CCDC144A: variants seen among roughly 807,000 people sequenced by gnomAD.
CCDC144A encodes coiled-coil domain-containing protein 144A.
A neutral mutation model predicts 143.8 loss-of-function variants in CCDC144A; 41 were observed. The observed-to-expected ratio is 0.29, with a 90% CI of 0.22 to 0.37. The LOEUF is 0.37. Ranked by LOEUF, CCDC144A falls within the 10% of genes least tolerant of loss-of-function variation. CCDC144A has a pLI of 1.00. For missense variants in CCDC144A, 637 were observed against 1,488.8 expected, an observed-to-expected ratio of 0.43 and a Z score of 9.41; for synonymous variants, 242 against 517.9, an observed-to-expected ratio of 0.47 and a Z score of 7.23.
At chr17:16,728,594 A>T (rs2649304) in intron 9 of CCDC144A, among the ~76,000 whole-genome samples, 1,768 of 152,278 alleles carry the variant, frequency 0.012, 29 homozygotes, top group African/African-American at 0.04. Flanking sequence ...AATTTTTTTT[A>T]AATTTCATAG....
chr17:16,724,509 CAAA>C lies in CCDC144A; in HGVS notation c.1892-2999_1892-2997del, dbSNP rs1194753881. On this transcript the variant is annotated intron_variant, in intron 8 of 16. Transcript: ENST00000399273. ...TGGGAGACAGAGCGAGACTCCGTCT[CAAA>C]AAAAAAAAAAAAAAAAAAGATTGAT... Among the ~76,000 whole-genome samples, 122 of 65,914 alleles carry C rather than the reference CAAA, an allele frequency of 1.9e-3. 1 individual carries two copies. The highest frequency in any genetic ancestry group is 0.013 in the Admixed American group (85 of 6,644). The allele number at this position is 65,914 out of a possible 152,430, so 43.2% of individuals were successfully genotyped here.
upstream of CCDC144A, among the ~76,000 whole-genome samples, chr17:16,686,091 G>GTTTTTTT (rs67135656): frequency 3.5e-5 from 4 of 114,708 alleles, no homozygotes; most frequent in Non-Finnish European, 7.3e-5. Flanking sequence ...TGTTTTTTTT[G>GTTTTTTT]TTTTTTTTTT....
chr17:16,697,370 C>T (rs1177026422), intron 2 of CCDC144A, among the ~76,000 whole-genome samples: 8 of 152,118 alleles, frequency 5.3e-5, no homozygotes, highest in Admixed American at 4.6e-4. Flanking sequence ...GACTGAGCTC[C>T]GGTAAAACTT....
chr17:16,721,910 T>G (rs541523373), intron 8 of CCDC144A, among the ~76,000 whole-genome samples: 1 of 152,328 alleles, frequency 6.6e-6, no homozygotes, highest in African/African-American at 2.4e-5. Flanking sequence ...CAGTTTTACT[T>G]CTTCTTTTCA....
intron 12 of CCDC144A, among the ~76,000 whole-genome samples, chr17:16,758,714 A>G (rs1241326310): frequency 6.6e-6 from 1 of 152,124 alleles, no homozygotes; most frequent in African/African-American, 2.4e-5. Context: ...GTTTTCAGCT[A>G]AGTAGTTTCT....
chr17:16,768,566 A>C (rs967829069), intron 15 of CCDC144A, among the ~76,000 whole-genome samples: 2 of 152,262 alleles, frequency 1.3e-5, no homozygotes, highest in African/African-American at 2.4e-5. Context: ...ATAGATTGCT[A>C]TGCCTGTGTT....
In CCDC144A at chr17:16,690,692, C is replaced by T. The variant is rs561026830; in HGVS notation, c.292C>T (p.His98Tyr). Residue 98 changes from histidine to tyrosine, a missense_variant, in exon 1 of 17, where the codon CAC becomes TAC. Coordinates refer to ENST00000399273, the MANE Select transcript of CCDC144A (RefSeq NM_001382000.1). ...ARSGDVPGVE[H>Y]ILAPGDTGVD... is the part of the protein sequence containing the mutation. ...GTCGGGCGACGTCCCTGGGGTGGAG[C>T]ACATCTTAGCTCCTGGAGACACTGG... is the stretch of plus-strand genomic sequence containing the variant. 6.2e-7 allele frequency: 1 copy of T among 1,613,734 alleles called. No homozygotes were observed. Among genetic ancestry groups the T allele is most frequent in the South Asian group, 1.1e-5 (1 of 91,044 alleles).
rs1915922007 is a variant in CCDC144A at position 16,774,018 on chromosome 17, AT to A, written c.*386del. On this transcript the variant is annotated 3_prime_UTR_variant, in exon 17 of 17. Transcript: ENST00000399273. ...TATACTGGTACTGTGGTCATTGTCA[AT>A]GTTTGGATGTATTACGATTGTTATA... 1 of 178,902 alleles carries A rather than the reference AT, an allele frequency of 5.6e-6. No individual in the cohort carries two copies. Among genetic ancestry groups the A allele is most frequent in the South Asian group, 2.0e-4 (1 of 5,104 alleles). The allele number at this position is 178,902 out of a possible 1,614,324, so 11.1% of individuals were successfully genotyped here.
rs1916042990 is a variant in CCDC144A at position 16,777,558 on chromosome 17, A to C, written c.*3925A>C. On this transcript the variant is annotated 3_prime_UTR_variant, in exon 17 of 17. Transcript: ENST00000399273. ...AAAATTGGAAATTAATTCCAAAAGG[A>C]ACACTCAAAAGCATGCAAATACATG... 1 of 136,170 alleles carries C rather than the reference A, an allele frequency of 7.3e-6. No homozygotes were observed. Among genetic ancestry groups the C allele is most frequent in the Non-Finnish European group, 1.5e-5 (1 of 65,640 alleles). The allele number at this position is 136,170 out of a possible 1,614,324, so 8.4% of individuals were successfully genotyped here.
intron 8 of CCDC144A, among the ~76,000 whole-genome samples, chr17:16,724,787 A>ATTTTTTTTT (rs760344292): frequency 4.3e-4 from 15 of 35,102 alleles, no homozygotes; most frequent in East Asian, 9.6e-4. Flanking sequence ...GATTAACTGA[A>ATTTTTTTTT]TTTTTTTTTT....
chr17:16,704,718 A>T (rs1911946577), intron 2 of CCDC144A, among the ~76,000 whole-genome samples: 1 of 152,132 alleles, frequency 6.6e-6, no homozygotes, highest in African/African-American at 2.4e-5. Context: ...CCATCTCATT[A>T]TAATTAAAAT....
In CCDC144A at chr17:16,763,897, C is replaced by T. The variant is rs1005697380; in HGVS notation, c.3888-68C>T. On this transcript the variant is annotated intron_variant, in intron 14 of 16. Coordinates refer to ENST00000399273, the MANE Select transcript of CCDC144A (RefSeq NM_001382000.1). ...TCTTAATGGCAACTTTTAGAACAATCGAAGTCATTTAGGAATCATTTAGGA... is the reference window on the plus strand; with the variant it reads ...TCTTAATGGCAACTTTTAGAACAATTGAAGTCATTTAGGAATCATTTAGGA... 1.7e-5 allele frequency: 26 copies of T among 1,490,278 alleles called. No homozygotes were observed. In the East Asian group the frequency reaches 2.6e-4, roughly 15 times the overall value. 92.3% of individuals were successfully genotyped at this position (1,490,278 alleles called of 1,614,324 possible).
intron 8 of CCDC144A, among the ~76,000 whole-genome samples, chr17:16,726,245 G>T (rs1913413644): frequency 6.6e-6 from 1 of 151,544 alleles, no homozygotes; most frequent in African/African-American, 2.4e-5. Context: ...GCCGGGCGCG[G>T]TGGCAGGCGC....
intron 1 of CCDC144A, 43 bp downstream of exon 1, chr17:16,690,787 G>A (rs376310863): frequency 1.3e-6 from 2 of 1,543,252 alleles, no homozygotes; most frequent in Admixed American, 1.9e-5. Context: ...CGGGGACACT[G>A]GCTTTCTGGT....
In CCDC144A at chr17:16,752,282, G is replaced by A. The variant is rs561807707; in HGVS notation, c.3373-9143G>A. Among the ~76,000 whole-genome samples the A allele has an allele frequency of 9.8e-5, 15 of 152,294 alleles. No homozygotes were observed. The East Asian group carries it at 2.3e-3, about 24-fold the overall frequency. On this transcript the variant is annotated intron_variant, in intron 12 of 16. Transcript: ENST00000399273. ...TCCTTATGAGAATCTAATGCCTGAC[G>A]ATCTGAGGTGGAACAGTTCCATCGC...
chr17:16,694,570 G>C (rs1257999115), intron 2 of CCDC144A, among the ~76,000 whole-genome samples: 1 of 152,068 alleles, frequency 6.6e-6, no homozygotes, highest in Non-Finnish European at 1.5e-5. Flanking sequence ...GTGAGACCCT[G>C]TCTCAGAAAA....
intron 15 of CCDC144A, among the ~76,000 whole-genome samples, chr17:16,770,053 C>A (rs1915764436): frequency 1.3e-5 from 2 of 150,562 alleles, no homozygotes; most frequent in Non-Finnish European, 2.9e-5. Context: ...GTCTTGAACT[C>A]CTAACCTTGT....
chr17:16,680,252 A>G, the CCDC144A span, among the ~76,000 whole-genome samples: 1 of 151,922 alleles, frequency 6.6e-6, no homozygotes. Context: ...AACATGGTGA[A>G]CCCCATCTCT....
chr17:16,725,995 G>A (rs1221979589), intron 8 of CCDC144A, among the ~76,000 whole-genome samples: 1 of 151,664 alleles, frequency 6.6e-6, no homozygotes, highest in African/African-American at 2.4e-5. Flanking sequence ...CTTCTCTTTG[G>A]TGATGTCTAA....
Sources: gnomAD v4.1 joint callset for allele counts (sites outside exome capture counted in the v4.1 genomes callset) on GRCh38, gnomAD v4.1.1 for gene constraint, MANE v1.5 for transcripts, NCBI Gene and HGNC (gene_info 2026-07-23, HGNC 2026-07-21) for gene names.